The following RGS7 variants were observed in gnomAD, a reference collection of about 807,000 sequenced individuals.
RGS7 encodes regulator of G protein signaling 7.
Under a neutral mutation model 81.1 loss-of-function variants are expected in RGS7, and 27 were observed. The ratio of observed to expected loss-of-function variants is 0.33; its 90% CI spans 0.25 to 0.46. The LOEUF (loss-of-function observed/expected upper bound fraction) is 0.46, where lower values mean the gene tolerates loss of function less well. Ranked by LOEUF, RGS7 falls within the 20% of genes least tolerant of loss-of-function variation. The probability of loss-of-function intolerance (pLI) is 1.00; values close to 1 mark genes in which losing one functional copy is unlikely to be tolerated. For missense variants in RGS7, 396 were observed against 607.4 expected (o/e 0.65, Z 3.66); for synonymous variants, 208 against 207.7 (o/e 1.00, Z -0.01).
At chr1:240,925,231 T>C (rs147989385) in intron 6 of RGS7, among the ~76,000 whole-genome samples, 6 of 152,284 alleles carry the variant, frequency 3.9e-5, no homozygotes, top group Admixed American at 3.3e-4. Context: ...ACCCAGGTAG[T>C]GAGCATAGTC....
chr1:240,877,444 CTG>C (rs1665629576), intron 6 of RGS7, among the ~76,000 whole-genome samples: 2 of 151,592 alleles, frequency 1.3e-5, no homozygotes, highest in Admixed American at 1.3e-4. Context: ...ATATGAATAT[CTG>C]TTTATATACA....
chr1:241,217,877 G>A (rs1044138221), intron 2 of RGS7, among the ~76,000 whole-genome samples: 5 of 152,208 alleles, frequency 3.3e-5, no homozygotes, highest in East Asian at 1.9e-4. Context: ...GAACCTTTCA[G>A]GAGGCTTTCA....
In RGS7 at chr1:240,868,902, C is replaced by T. The variant is rs762034711; in HGVS notation, c.451-50G>A. The T allele has an allele frequency of 7.2e-6, 11 of 1,518,414 alleles. No individual in the cohort carries two copies. The highest frequency in any genetic ancestry group is 8.2e-6 in the Non-Finnish European group (9 of 1,092,876). The allele number at this position is 1,518,414 out of a possible 1,614,324, so 94.1% of individuals were successfully genotyped here. A position where few individuals can be genotyped will look rare whatever the true frequency, so the allele number is the denominator to read the frequency against. On this transcript the variant is annotated intron_variant, in intron 7 of 18. Coordinates refer to ENST00000440928, the MANE Select transcript of RGS7 (RefSeq NM_001364886.1). This position sits in a 1 kb window ranked among gnomAD's most constrained non-coding sequence, Gnocchi z 5.1. Reference sequence around the variant, plus strand: ...ACATTTGGTGTTCATTGTCACTGCTCTCTTCTAGCTTAGTTACCACTTGTA... The same window carrying T: ...ACATTTGGTGTTCATTGTCACTGCTTTCTTCTAGCTTAGTTACCACTTGTA...
chr1:241,169,597 C>A (rs2070573549), intron 2 of RGS7, among the ~76,000 whole-genome samples: 1 of 152,028 alleles, frequency 6.6e-6, no homozygotes, highest in Non-Finnish European at 1.5e-5. Flanking sequence ...CCTGCCTCGG[C>A]CTCCCAAAGT....
intron 2 of RGS7, among the ~76,000 whole-genome samples, chr1:241,228,436 T>C (rs2075452962): frequency 6.6e-6 from 1 of 151,908 alleles, no homozygotes; most frequent in Non-Finnish European, 1.5e-5. Context: ...ATAAAAAAAA[T>C]GACTGAAATA....
At chr1:241,159,948 A>G (rs907556230) in intron 2 of RGS7, among the ~76,000 whole-genome samples, 1 of 151,890 alleles carries the variant, frequency 6.6e-6, no homozygotes, top group African/African-American at 2.4e-5. Flanking sequence ...TATATTAAGT[A>G]ATATGGGCTT....
chr1:240,953,933 C>A (rs1253788809), intron 4 of RGS7, among the ~76,000 whole-genome samples: 1 of 151,912 alleles, frequency 6.6e-6, no homozygotes, highest in Non-Finnish European at 1.5e-5. Context: ...CATTAAGGAT[C>A]CATAGAATTA....
At chr1:241,314,670 G>A (rs575754924) in intron 2 of RGS7, among the ~76,000 whole-genome samples, 73 of 152,280 alleles carry the variant, frequency 4.8e-4, no homozygotes, top group Non-Finnish European at 8.2e-4. Context: ...AAAGTAGAGC[G>A]CAGTGGGAAT....
At chr1:240,864,419 GT>G (rs1396085351) in intron 9 of RGS7, among the ~76,000 whole-genome samples, 1 of 152,142 alleles carries the variant, frequency 6.6e-6, no homozygotes, top group Non-Finnish European at 1.5e-5. Context: ...TAACAAAAAT[GT>G]TGGGGATAAA....
chr1:241,223,978 T>C (rs1213738082), intron 2 of RGS7, among the ~76,000 whole-genome samples: 4 of 148,648 alleles, frequency 2.7e-5, no homozygotes, highest in Non-Finnish European at 5.9e-5. Flanking sequence ...CCTAAGATTT[T>C]ATCCTCACAT....
chr1:241,231,956 TG>T (rs1308827371), intron 2 of RGS7, among the ~76,000 whole-genome samples: 1 of 152,226 alleles, frequency 6.6e-6, no homozygotes, highest in Non-Finnish European at 1.5e-5. Flanking sequence ...TTATAACTTT[TG>T]CTCCTCTGTT....
rs2064475503 is a variant in RGS7, at chr1:241,098,652, C to T, written c.175+14G>A. 17 of 1,566,026 alleles carry T rather than the reference C, an allele frequency of 1.1e-5. No individual in the cohort carries two copies. Among genetic ancestry groups the T allele is most frequent in the Non-Finnish European group, 1.5e-5 (17 of 1,136,634 alleles). On this transcript the variant is annotated intron_variant, in intron 3 of 18. Coordinates refer to ENST00000440928, the MANE Select transcript of RGS7 (RefSeq NM_001364886.1). ...GTACAGGAGAAAACAGAACTGTGCT[C>T]CATGCAGACTTACCAGAGAAGACGC...
rs1380841599 is a variant in RGS7, at chr1:241,163,300, C to A, written c.79-64538G>T. ...TTTTTGTGGAGATGACTGCATAGCA[C>A]CCCTCTTTTCAAATACAGGGTGGAG... is the stretch of plus-strand genomic sequence containing the variant. On this transcript the variant is annotated intron_variant, in intron 2 of 18. Coordinates refer to ENST00000440928, the MANE Select transcript of RGS7 (RefSeq NM_001364886.1). The surrounding 1 kb of genome is among the most constrained non-coding windows in gnomAD (Gnocchi z 4.6). Among the ~76,000 whole-genome samples the A allele has an allele frequency of 6.6e-6, 1 of 152,122 alleles. No homozygotes were observed. Among genetic ancestry groups the A allele is most frequent in the Non-Finnish European group, 1.5e-5 (1 of 68,024 alleles).
At position 241,131,202 on chromosome 1, in the gene RGS7, TTAAAC is replaced by T. The variant is rs547468532; in HGVS notation, c.79-32445_79-32441del. Among the ~76,000 whole-genome samples, 207 of 152,270 alleles carry T rather than the reference TTAAAC, an allele frequency of 1.4e-3. 1 individual carries two copies. Among genetic ancestry groups the T allele is most frequent in the Non-Finnish European group, 2.5e-3 (169 of 68,024 alleles). On this transcript the variant is annotated intron_variant, in intron 2 of 18. Transcript: ENST00000440928. ...TGCATGAGTCATATTGATTCTCAAA[TTAAAC>T]TAAACACCCATAGCACATAGGAAAA...
intron 2 of RGS7, among the ~76,000 whole-genome samples, chr1:241,169,404 C>T (rs1350819048): frequency 3.1e-5 from 4 of 130,578 alleles, no homozygotes; most frequent in Non-Finnish European, 6.1e-5. Context: ...AGTGCAGTGG[C>T]GCGATCTTGG....
At chr1:241,109,441 C>T (rs2065361542) in intron 2 of RGS7, among the ~76,000 whole-genome samples, 3 of 152,056 alleles carry the variant, frequency 2.0e-5, no homozygotes, top group Admixed American at 6.6e-5. Context: ...TTTTACCCTA[C>T]CTTACTTTAC....
intron 2 of RGS7, among the ~76,000 whole-genome samples, chr1:241,123,676 G>A (rs772166886): frequency 2.6e-5 from 4 of 152,180 alleles, no homozygotes; most frequent in East Asian, 1.9e-4. Flanking sequence ...ACTTGAACCC[G>A]GGAGGCGGAG....
At chr1:241,087,991 TATATAC>T (rs200816373) in intron 3 of RGS7, among the ~76,000 whole-genome samples, 1,533 of 105,748 alleles carry the variant, frequency 0.014, 39 homozygotes, top group African/African-American at 0.052. Flanking sequence ...TATATATATA[TATATAC>T]ACACACACAC....
chr1:241,121,153 G>A (rs1036503662), intron 2 of RGS7, among the ~76,000 whole-genome samples: 5 of 152,076 alleles, frequency 3.3e-5, no homozygotes, highest in African/African-American at 1.2e-4. Flanking sequence ...GATGATATCA[G>A]GAAAAAGAAT....
Sources: allele counts gnomAD v4.1 joint callset (sites outside exome capture counted in the v4.1 genomes callset), GRCh38; gene constraint gnomAD v4.1.1; non-coding constraint Gnocchi (gnomAD v3.1); transcripts MANE v1.5; gene names NCBI Gene and HGNC (gene_info 2026-07-23, HGNC 2026-07-21).